Variants in NRXN1 observed in about 807,000 individuals in gnomAD.
NRXN1 encodes neurexin-1.
In NRXN1, 39 loss-of-function variants were observed where a neutral mutation model predicts 150.9. That is an observed-to-expected ratio of 0.26 (90% CI 0.20 to 0.34). NRXN1 has a LOEUF of 0.34. Ranked by LOEUF, NRXN1 falls within the 10% of genes least tolerant of loss-of-function variation. NRXN1 has a pLI of 1.00. For missense variants in NRXN1, 1,815 were observed against 1,949.9 expected, an observed-to-expected ratio of 0.93 and a Z score of 1.30; for synonymous variants, 924 against 757.0, an observed-to-expected ratio of 1.22 and a Z score of -3.62.
At chr2:50,546,171 A>G (rs1458525892) in intron 9 of NRXN1, among the ~76,000 whole-genome samples, 6 of 152,134 alleles carry the variant, frequency 3.9e-5, no homozygotes, top group African/African-American at 1.4e-4. Flanking sequence ...CATGGGGAAC[A>G]TGGATTCTGA....
chr2:50,012,660 A>C (rs1448329372), intron 21 of NRXN1, among the ~76,000 whole-genome samples: 2 of 152,146 alleles, frequency 1.3e-5, no homozygotes, highest in African/African-American at 4.8e-5. Flanking sequence ...GTATATCCAA[A>C]GATTCATTCA....
In NRXN1 at chr2:50,799,182, G is replaced by A. The variant is rs140488592; in HGVS notation, c.832+122687C>T. Among the ~76,000 whole-genome samples, 147 of 152,270 alleles carry A rather than the reference G, an allele frequency of 9.7e-4. 3 individuals are homozygous for A. The East Asian group carries it at 0.025, about 25-fold the overall frequency. ...TTTATATATGCCGTGGGATGATACT[G>A]CATTGGTAAATGAATTCATCGGTCA... On this transcript the variant is annotated intron_variant, in intron 5 of 22. Transcript: ENST00000401669.
Position 50,442,861 on chromosome 2 carries a change from C to A in NRXN1, c.3364+22581G>T, listed in dbSNP as rs189650243. On this transcript the variant is annotated intron_variant, in intron 17 of 22. Coordinates refer to ENST00000401669, the MANE Select transcript of NRXN1 (RefSeq NM_001330078.2). ...GGAGGACAACCATGTGTGTTTAGTG[C>A]CTTGTTTTGAAATTGATTAAGTATT... Among the ~76,000 whole-genome samples the A allele has an allele frequency of 8.5e-5, 13 of 152,098 alleles. No individual in the cohort carries two copies. In the East Asian group the frequency reaches 2.5e-3, roughly 29 times the overall value.
intron 17 of NRXN1, among the ~76,000 whole-genome samples, chr2:50,366,142 C>T (rs1024737141): frequency 4.4e-5 from 6 of 136,758 alleles, no homozygotes; most frequent in South Asian, 2.4e-4. Flanking sequence ...TGGGTTTTCT[C>T]GGCTGGACAC....
rs779465137 is a variant in NRXN1, at chr2:50,531,367, T to C, written c.2207A>G (p.His736Arg). ...TAAGGAAACATCCTCAGCCTCCGTA[T>C]GCATGACTACGGGGAGCTGAATTTT... is the stretch of plus-strand genomic sequence containing the variant. ...FMKIQLPVVM[H>R]TEAEDVSLRF... Residue 736 changes from histidine to arginine, a missense_variant, in exon 11 of 23, where the codon CAT becomes CGT. Coordinates refer to ENST00000401669, the MANE Select transcript of NRXN1 (RefSeq NM_001330078.2). 2 of 1,613,236 alleles carry C rather than the reference T, an allele frequency of 1.2e-6. No individual in the cohort carries two copies. Among genetic ancestry groups the C allele is most frequent in the Non-Finnish European group, 8.5e-7 (1 of 1,179,594 alleles).
intron 18 of NRXN1, among the ~76,000 whole-genome samples, chr2:50,228,146 A>T (rs1260387825): frequency 6.6e-6 from 1 of 152,104 alleles, no homozygotes; most frequent in East Asian, 1.9e-4. Flanking sequence ...AAAGCTTATT[A>T]TGAAAAGATA....
At chr2:50,329,646 TA>T (rs2076674750) in intron 17 of NRXN1, among the ~76,000 whole-genome samples, 2 of 7,696 alleles carry the variant, frequency 2.6e-4, no homozygotes, top group African/African-American at 1.2e-3. Flanking sequence ...TATATATATA[TA>T]TATATATATA....
intron 15 of NRXN1, among the ~76,000 whole-genome samples, chr2:50,481,751 C>G (rs1452798734): frequency 2.1e-5 from 2 of 95,164 alleles, no homozygotes; most frequent in Non-Finnish European, 4.0e-5. Flanking sequence ...ATATTCTGAA[C>G]TTTTGTTTCT....
chr2:50,815,965 G>T (rs1668871183), intron 5 of NRXN1, among the ~76,000 whole-genome samples: 1 of 152,154 alleles, frequency 6.6e-6, no homozygotes, highest in South Asian at 2.1e-4. Flanking sequence ...CAGCCTTGCT[G>T]TGTCTGTGTG....
chr2:50,916,904 C>T (rs1685284343), intron 5 of NRXN1: 1 of 151,658 alleles, frequency 6.6e-6, no homozygotes, highest in African/African-American at 2.4e-5. Context: ...TAAGCATATA[C>T]TCTTCAATTA....
At chr2:50,684,980 A>G (rs1247646583) in intron 5 of NRXN1, among the ~76,000 whole-genome samples, 3 of 152,228 alleles carry the variant, frequency 2.0e-5, no homozygotes, top group Non-Finnish European at 4.4e-5. Flanking sequence ...GATGATAGCT[A>G]CATCATTAAG....
chr2:50,284,481 T>C (rs556179992), intron 17 of NRXN1, among the ~76,000 whole-genome samples: 6 of 152,278 alleles, frequency 3.9e-5, no homozygotes, highest in Non-Finnish European at 7.4e-5. Flanking sequence ...TTACAACACC[T>C]TGGGGATTCT....
chr2:49,941,778 C>T (rs768436197), intron 22 of NRXN1, among the ~76,000 whole-genome samples: 2 of 151,962 alleles, frequency 1.3e-5, no homozygotes, highest in African/African-American at 2.4e-5. Context: ...TAACACACAC[C>T]CCAATATACA....
At chr2:50,340,892 G>T (rs759407285) in intron 17 of NRXN1, among the ~76,000 whole-genome samples, 4 of 152,186 alleles carry the variant, frequency 2.6e-5, no homozygotes, top group Non-Finnish European at 4.4e-5. Context: ...TGACTGTGGT[G>T]ATGGTCAACA....
intron 5 of NRXN1, among the ~76,000 whole-genome samples, chr2:50,827,005 G>A (rs966748400): frequency 1.3e-5 from 2 of 152,172 alleles, no homozygotes; most frequent in Admixed American, 6.5e-5. Context: ...AGTAGGTATG[G>A]AGGAGAACAT....
chr2:50,896,001 C>A (rs960253564), intron 5 of NRXN1, among the ~76,000 whole-genome samples: 41 of 152,178 alleles, frequency 2.7e-4, no homozygotes, highest in African/African-American at 9.2e-4. Flanking sequence ...CAAATTATCT[C>A]GAAATTCTCT....
chr2:49,957,426 G>A (rs919149941), intron 21 of NRXN1, among the ~76,000 whole-genome samples: 1 of 151,926 alleles, frequency 6.6e-6, no homozygotes, highest in East Asian at 1.9e-4. Context: ...TATTCTCACC[G>A]CAATATGGAA....
chr2:50,470,336 A>G (rs1240541815), intron 16 of NRXN1, among the ~76,000 whole-genome samples: 2 of 151,740 alleles, frequency 1.3e-5, no homozygotes, highest in Non-Finnish European at 3.0e-5. Flanking sequence ...AGGGAAAAAA[A>G]CATAGTTTCC....
At chr2:50,563,180 G>A (rs1409373721) in intron 8 of NRXN1, among the ~76,000 whole-genome samples, 1 of 152,060 alleles carries the variant, frequency 6.6e-6, no homozygotes, top group Non-Finnish European at 1.5e-5. Context: ...AACATAGCAA[G>A]TTATACATTC....
Sources: allele counts gnomAD v4.1 joint callset (sites outside exome capture counted in the v4.1 genomes callset), GRCh38; gene constraint gnomAD v4.1.1; transcripts MANE v1.5; gene names NCBI Gene and HGNC (gene_info 2026-07-23, HGNC 2026-07-21).